The following ADSS2 variants were observed in gnomAD, a reference collection of about 807,000 sequenced individuals.
The protein encoded by ADSS2 is adenylosuccinate synthetase isozyme 2.
Under a neutral mutation model 60.0 loss-of-function variants are expected in ADSS2, and 30 were observed. That is an observed-to-expected ratio of 0.50 (90% CI 0.37 to 0.68). The LOEUF (loss-of-function observed/expected upper bound fraction) is 0.68. Ranked by LOEUF, ADSS2 falls within the 30% of genes least tolerant of loss-of-function variation. ADSS2 has a pLI of 0.00. For missense variants in ADSS2, 373 were observed against 554.8 expected (o/e 0.67, Z 3.29); for synonymous variants, 187 against 193.1 (o/e 0.97, Z 0.26).
At chr1:244,438,663 TA>T (rs1422880746) in intron 1 of ADSS2, among the ~76,000 whole-genome samples, 1 of 152,184 alleles carries the variant, frequency 6.6e-6, no homozygotes, top group Non-Finnish European at 1.5e-5. Flanking sequence ...TTGCAACAAA[TA>T]AAAACTTTAA....
At chr1:244,441,222 C>G (rs972172659) in intron 1 of ADSS2, among the ~76,000 whole-genome samples, 8 of 152,084 alleles carry the variant, frequency 5.3e-5, no homozygotes, top group African/African-American at 1.9e-4. Context: ...CCATGCCCGG[C>G]TAATTTTTTG....
Position 244,409,640 on chromosome 1 carries a change from TAGG to T in ADSS2, c.1319-5_1319-3del, listed in dbSNP as rs1664366725. On this transcript the variant is annotated splice_region_variant and splice_polypyrimidine_tract_variant and intron_variant, in intron 12 of 12. Coordinates refer to ENST00000366535, the MANE Select transcript of ADSS2 (RefSeq NM_001126.5). ...ATTTACCAACACCAATCCACTTAAC[TAGG>T]AGAATACAAAGAGAAAAGGAATTGA... The T allele has an allele frequency of 6.2e-7, 1 of 1,601,834 alleles. No homozygotes were observed.
At position 244,408,718 on chromosome 1, in the gene ADSS2, T is replaced by C. The variant is rs1664340811; in HGVS notation, c.*868A>G. ...GGTTCATTTTGACACTTACAGATGA[T>C]TCTGTAGGCATATCGGCAGGCACGA... On this transcript the variant is annotated 3_prime_UTR_variant, in exon 13 of 13. Transcript: ENST00000366535. 1 of 152,462 alleles carries C rather than the reference T, an allele frequency of 6.6e-6. No homozygotes were observed. Among genetic ancestry groups the C allele is most frequent in the Non-Finnish European group, 1.5e-5 (1 of 68,020 alleles). The allele number at this position is 152,462 out of a possible 1,614,324, so 9.4% of individuals were successfully genotyped here.
chr1:244,449,506 T>G (rs1665478243), intron 1 of ADSS2, among the ~76,000 whole-genome samples: 1 of 152,204 alleles, frequency 6.6e-6, no homozygotes, highest in South Asian at 2.1e-4. Flanking sequence ...ACTAAGAACT[T>G]CAACATTCCA....
At position 244,416,047 on chromosome 1, in the gene ADSS2, T is replaced by C. The variant is rs909316747; in HGVS notation, c.1102A>G (p.Met368Val). 4.3e-6 allele frequency: 7 copies of C among 1,613,688 alleles called. No individual in the cohort carries two copies. In the African/African-American group the frequency reaches 8.0e-5, roughly 18 times the overall value. The change falls in exon 11 of 13, where the codon ATG becomes GTG. Residue 368 changes from methionine (M) to valine (V), a missense_variant. Transcript: ENST00000366535. ...LALTKLDILD[M>V]FTEIKVGVAY... ...ACTCCAACTTTGATTTCCGTAAACA[T>C]GTCCAAAATATCCAACTTGGTAAGT... is the stretch of plus-strand genomic sequence containing the variant.
At chr1:244,450,661 T>C (rs139182117) in intron 1 of ADSS2, among the ~76,000 whole-genome samples, 10 of 152,338 alleles carry the variant, frequency 6.6e-5, no homozygotes, top group Middle Eastern at 6.8e-3. Context: ...AAAGTGGTTA[T>C]TGCTCATCTG....
chr1:244,443,624 G>A (rs1665303868), intron 1 of ADSS2, among the ~76,000 whole-genome samples: 1 of 152,210 alleles, frequency 6.6e-6, no homozygotes, highest in South Asian at 2.1e-4. Flanking sequence ...TCAACCAAAT[G>A]TCTGTCCATT....
At chr1:244,434,705 G>T (rs1665041343) in intron 3 of ADSS2, among the ~76,000 whole-genome samples, 1 of 151,968 alleles carries the variant, frequency 6.6e-6, no homozygotes, top group African/African-American at 2.4e-5. Flanking sequence ...TAGGCTAGAA[G>T]GAAAAAGGGA....
At chr1:244,418,159 C>G (rs530545170) in intron 9 of ADSS2, among the ~76,000 whole-genome samples, 1 of 152,084 alleles carries the variant, frequency 6.6e-6, no homozygotes, top group Admixed American at 6.6e-5. Flanking sequence ...AAACTAAGAT[C>G]GAAAACATGC....
chr1:244,414,185 T>TAATG (rs10652281), intron 11 of ADSS2, among the ~76,000 whole-genome samples: 1 of 151,576 alleles, frequency 6.6e-6, no homozygotes, highest in East Asian at 1.9e-4. Flanking sequence ...CCACAATGTC[T>TAATG]GTCAACCAAT....
At chr1:244,422,380 T>G (rs1449691784) in intron 7 of ADSS2, among the ~76,000 whole-genome samples, 1 of 152,240 alleles carries the variant, frequency 6.6e-6, no homozygotes, top group Non-Finnish European at 1.5e-5. Flanking sequence ...GTCAATTACC[T>G]TATTTGTCTC....
rs542840305 is a variant in ADSS2, at chr1:244,438,796, T to C, written c.184-1028A>G. Among the ~76,000 whole-genome samples, 3 of 152,312 alleles carry C rather than the reference T, an allele frequency of 2.0e-5. No homozygotes were observed. The South Asian group carries it at 6.2e-4, about 32-fold the overall frequency. ...TTGTTGCCACGTAGTATTACATACA[T>C]TTATGTGTTGCATGAGATATTTTGA... is the stretch of plus-strand genomic sequence containing the variant. On this transcript the variant is annotated intron_variant, in intron 1 of 12. Coordinates refer to ENST00000366535, the MANE Select transcript of ADSS2 (RefSeq NM_001126.5).
At chr1:244,437,490 TAC>T (rs199788548) in intron 2 of ADSS2, among the ~76,000 whole-genome samples, 174 bp downstream of exon 2, 1,659 of 152,282 alleles carry the variant, frequency 0.011, 35 homozygotes, top group African/African-American at 0.038. Context: ...TAAAAGATCT[TAC>T]AGTGACAAAT....
chr1:244,439,064 T>C (rs886270382), intron 1 of ADSS2, among the ~76,000 whole-genome samples: 1 of 152,212 alleles, frequency 6.6e-6, no homozygotes, highest in Admixed American at 6.5e-5. Context: ...TCCCAGCGTT[T>C]GGTAACCATC....
intron 1 of ADSS2, among the ~76,000 whole-genome samples, chr1:244,444,774 T>C (rs911614228): frequency 9.2e-5 from 14 of 152,134 alleles, no homozygotes; most frequent in Admixed American, 5.2e-4. Flanking sequence ...CCAATTTAAC[T>C]CTATTTTTTG....
intron 6 of ADSS2, 117 bp from the exon 7 acceptor site, chr1:244,423,033 G>T: frequency 1.7e-6 from 1 of 599,952 alleles, no homozygotes. Context: ...AATTAATCCT[G>T]AAACTGAAGT....
At chr1:244,447,106 A>G (rs1665410322) in intron 1 of ADSS2, among the ~76,000 whole-genome samples, 1 of 152,202 alleles carries the variant, frequency 6.6e-6, no homozygotes, top group Non-Finnish European at 1.5e-5. Flanking sequence ...CATTGCTTTC[A>G]GCAGGCAATA....
In ADSS2 at chr1:244,433,859, TAAAAAA is replaced by T. The variant is rs35132231; in HGVS notation, c.356-1270_356-1265del. ...TGGCAACAGAGCAAGACTCCATCTT[TAAAAAA>T]AAAAAAAAAAAAAAAAAAGGTAAAG... On this transcript the variant is annotated intron_variant, in intron 3 of 12. Transcript: ENST00000366535. Among the ~76,000 whole-genome samples the T allele has an allele frequency of 8.4e-5, 8 of 94,954 alleles. 1 individual carries two copies. The East Asian group carries it at 3.2e-3, about 38-fold the overall frequency. 62.3% of individuals were successfully genotyped at this position (94,954 alleles called of 152,430 possible). A position where few individuals can be genotyped will look rare whatever the true frequency, so the allele number is the denominator to read the frequency against.
chr1:244,437,839 G>T, intron 1 of ADSS2, 71 bp from the exon 2 acceptor site: 1 of 1,186,874 alleles, frequency 8.4e-7, no homozygotes, highest in South Asian at 1.2e-5. Flanking sequence ...CCTCCAAAGT[G>T]AATTAATGAC....
Sources: allele counts gnomAD v4.1 joint callset (sites outside exome capture counted in the v4.1 genomes callset), GRCh38; gene constraint gnomAD v4.1.1; transcripts MANE v1.5; gene names NCBI Gene and HGNC (gene_info 2026-07-23, HGNC 2026-07-21).